DOCK10: variants seen among roughly 807,000 people sequenced by gnomAD.
DOCK10 encodes the protein dedicator of cytokinesis protein 10.
Under a neutral mutation model 280.1 loss-of-function variants are expected in DOCK10, and 145 were observed. The ratio of observed to expected loss-of-function variants is 0.52; its 90% CI spans 0.45 to 0.59. The LOEUF (loss-of-function observed/expected upper bound fraction) is 0.59, where lower values mean the gene tolerates loss of function less well. Ranked by LOEUF, DOCK10 falls within the 20% of genes least tolerant of loss-of-function variation. DOCK10 has a pLI of 0.00. For missense variants in DOCK10, 2,368 were observed against 2,651.7 expected, an observed-to-expected ratio of 0.89 and a Z score of 2.35; for synonymous variants, 915 against 942.2, an observed-to-expected ratio of 0.97 and a Z score of 0.53.
intron 52 of DOCK10, among the ~76,000 whole-genome samples, chr2:224,774,033 C>A (rs1269817888): frequency 1.3e-5 from 2 of 152,168 alleles, no homozygotes; most frequent in Non-Finnish European, 2.9e-5. Context: ...TAAATATATA[C>A]CAAGTAGTAT....
intron 1 of DOCK10, among the ~76,000 whole-genome samples, chr2:224,997,612 G>T (rs911337613): frequency 6.6e-6 from 1 of 152,088 alleles, no homozygotes; most frequent in Non-Finnish European, 1.5e-5. Context: ...ACTGCCATCC[G>T]TGTGCAACCT....
At chr2:224,935,420 C>A (rs1375523117) in intron 1 of DOCK10, among the ~76,000 whole-genome samples, 1 of 152,160 alleles carries the variant, frequency 6.6e-6, no homozygotes, top group African/African-American at 2.4e-5. Context: ...GACTACCCAG[C>A]CTTATTTTGG....
At chr2:224,941,190 T>A (rs1389692754) in intron 1 of DOCK10, among the ~76,000 whole-genome samples, 2 of 150,768 alleles carry the variant, frequency 1.3e-5, no homozygotes, top group African/African-American at 4.8e-5. Context: ...AAAAGAACAT[T>A]ACTGCTCTTT....
chr2:224,831,962 C>A (rs1695267848), intron 26 of DOCK10, among the ~76,000 whole-genome samples: 1 of 152,178 alleles, frequency 6.6e-6, no homozygotes, highest in Non-Finnish European at 1.5e-5. Context: ...TCCTCTTAAA[C>A]CTTGGCCTGT....
At chr2:224,957,677 G>A (rs754725999) in intron 1 of DOCK10, among the ~76,000 whole-genome samples, 1 of 152,124 alleles carries the variant, frequency 6.6e-6, no homozygotes, top group Admixed American at 6.5e-5. Flanking sequence ...CTTGAAAGCC[G>A]AGCTGACTTG....
Position 224,807,904 on chromosome 2 carries a change from C to T in DOCK10, c.3585+7G>A. On this transcript the variant is annotated splice_region_variant and intron_variant, in intron 32 of 55. Transcript: ENST00000258390. ...GTTTAGGGAAGGGAGAAAGGAAGAT[C>T]ACTTACTGGCTCTCTGTATCGATCA... 6.2e-7 allele frequency: 1 copy of T among 1,607,034 alleles called. No homozygotes were observed. Among genetic ancestry groups the T allele is most frequent in the Non-Finnish European group, 8.5e-7 (1 of 1,174,944 alleles).
rs1697802794 is a variant in DOCK10 at position 224,865,003 on chromosome 2, G to A, written c.1342C>T (p.His448Tyr). The A allele has an allele frequency of 1.2e-6, 2 of 1,613,778 alleles. No homozygotes were observed. Among genetic ancestry groups the A allele is most frequent in the African/African-American group, 2.7e-5 (2 of 74,890 alleles). Residue 448 changes from histidine to tyrosine, a missense_variant, in exon 12 of 56, where the codon CAT becomes TAT. Physicochemically the swap from His to Tyr is moderately conservative, Grantham distance 83. Around this residue, in one of 2 missense-constraint regions of DOCK10, gnomAD observed 1,209 missense variants for 1,250.9 expected, o/e 0.97. Transcript: ENST00000258390. ...AAGAGCATCTGTCTGACAGCAGCAT[G>A]GTTTAGATCCACATGAAAATCAGCA... ...ISADFHVDLN[H>Y]AAVRQMLLGA...
chr2:224,921,112 A>AATATATATATAT (rs1201609470), intron 2 of DOCK10, among the ~76,000 whole-genome samples: 24 of 54,400 alleles, frequency 4.4e-4, no homozygotes, highest in African/African-American at 3.1e-3. Context: ...AAAAAAAAAA[A>AATATATATATAT]ATATATATAT....
intron 1 of DOCK10, among the ~76,000 whole-genome samples, chr2:224,986,094 G>T (rs1705967027): frequency 6.6e-6 from 1 of 152,170 alleles, no homozygotes; most frequent in Non-Finnish European, 1.5e-5. Context: ...CTCCCCAAAA[G>T]ACCTGGTGCA....
intron 1 of DOCK10, among the ~76,000 whole-genome samples, chr2:224,981,461 T>C (rs970009891): frequency 7.9e-5 from 12 of 152,188 alleles, no homozygotes; most frequent in African/African-American, 2.7e-4. Flanking sequence ...TCTCCTCAAT[T>C]TTGGAAACTT....
chr2:224,938,914 A>G (rs970543687), intron 1 of DOCK10, among the ~76,000 whole-genome samples: 1 of 152,216 alleles, frequency 6.6e-6, no homozygotes, highest in Admixed American at 6.5e-5. Flanking sequence ...AAAGGAAGTG[A>G]TTAAGTAAAG....
At chr2:224,859,124 A>G (rs1697339515) in intron 14 of DOCK10, among the ~76,000 whole-genome samples, 1 of 152,234 alleles carries the variant, frequency 6.6e-6, no homozygotes, top group Admixed American at 6.5e-5. Flanking sequence ...TTGTCCCTGG[A>G]AAGAGTCAAA....
chr2:225,003,779 T>C (rs1320002806), intron 1 of DOCK10, among the ~76,000 whole-genome samples: 1 of 152,214 alleles, frequency 6.6e-6, no homozygotes, highest in Non-Finnish European at 1.5e-5. Context: ...AATGTGCATT[T>C]ACACTGATAA....
rs1264964038 is a variant in DOCK10 at position 225,041,947 on chromosome 2, C to A, written c.123+305G>T. 5.3e-5 allele frequency among the ~76,000 whole-genome samples: 8 copies of A among 152,208 alleles called. No individual in the cohort carries two copies. In the East Asian group the frequency reaches 1.5e-3, roughly 29 times the overall value. ...CACCAGTGTGACTGGCGGTGCATTC[C>A]GGCCCCCTCGCGCCCCATTAAAGCC... is the stretch of plus-strand genomic sequence containing the variant. On this transcript the variant is annotated intron_variant, in intron 1 of 55. Transcript: ENST00000258390.
chr2:224,805,353 AGAGT>A lies in DOCK10; in HGVS notation c.3937-37_3937-34del. On this transcript the variant is annotated intron_variant, in intron 35 of 55. Coordinates refer to ENST00000258390, the MANE Select transcript of DOCK10 (RefSeq NM_014689.3). The surrounding 1 kb of genome is among the most constrained non-coding windows in gnomAD (Gnocchi z 4.3). ...TTCAAGAACCAATCAGGATTGAGTGAGAGTGAGTGACCTCTGCCTTGTAATGATC... is the reference window on the plus strand; with the variant it reads ...TTCAAGAACCAATCAGGATTGAGTGAGAGTGACCTCTGCCTTGTAATGATC... The A allele has an allele frequency of 6.2e-7, 1 of 1,612,738 alleles. No homozygotes were observed. Among genetic ancestry groups the A allele is most frequent in the South Asian group, 1.1e-5 (1 of 91,040 alleles).
At chr2:225,008,747 T>C (rs1026756034) in intron 1 of DOCK10, among the ~76,000 whole-genome samples, 1 of 152,146 alleles carries the variant, frequency 6.6e-6, no homozygotes, top group Non-Finnish European at 1.5e-5. Flanking sequence ...CTACCTGTAA[T>C]GACATATCCA....
At chr2:224,781,382 C>T (rs1691326030) in intron 50 of DOCK10, among the ~76,000 whole-genome samples, 1 of 152,158 alleles carries the variant, frequency 6.6e-6, no homozygotes, top group Non-Finnish European at 1.5e-5. Flanking sequence ...ATTTACTCTG[C>T]TGTCCACTGG....
intron 47 of DOCK10, among the ~76,000 whole-genome samples, chr2:224,792,542 C>T (rs1224374326): frequency 6.6e-6 from 1 of 152,166 alleles, no homozygotes; most frequent in Non-Finnish European, 1.5e-5. Context: ...CCTTGGCCTC[C>T]CAAGTGCTGG....
At chr2:225,033,630 T>C (rs149493805) in intron 1 of DOCK10, among the ~76,000 whole-genome samples, 86 of 152,346 alleles carry the variant, frequency 5.6e-4, no homozygotes, top group African/African-American at 2.0e-3. Flanking sequence ...CCTCATTAAA[T>C]GTAGGTCAAC....
Sources: gnomAD v4.1 joint callset for allele counts (sites outside exome capture counted in the v4.1 genomes callset) on GRCh38, gnomAD v4.1.1 for gene constraint, gnomAD v4.1.1 regional missense constraint, Gnocchi (gnomAD v3.1) non-coding constraint, MANE v1.5 for transcripts, NCBI Gene and HGNC (gene_info 2026-07-23, HGNC 2026-07-21) for gene names.